HECTD4: variants seen among roughly 807,000 people sequenced by gnomAD.
The protein encoded by HECTD4 is HECT domain E3 ubiquitin protein ligase 4.
A neutral mutation model predicts 471.5 loss-of-function variants in HECTD4; 114 were observed. The observed-to-expected ratio is 0.24, with a 90% confidence interval of 0.21 to 0.28. The LOEUF is 0.28. Among genes scored for constraint, HECTD4 ranks in the 10% least tolerant of loss-of-function variants. HECTD4 has a pLI of 1.00. For missense variants in HECTD4, 3,866 were observed against 5,651.5 expected (o/e 0.68, Z 10.13); for synonymous variants, 2,012 against 2,256.0 (o/e 0.89, Z 3.07).
In HECTD4 at chr12:112,216,379, A is replaced by G; in HGVS notation, c.7386-8T>C. On this transcript the variant is annotated splice_region_variant and splice_polypyrimidine_tract_variant and intron_variant, in intron 47 of 75. Transcript: ENST00000682272. ...TGCACGGCTCGGCCGTTGCTATGAA[A>G]AATACAAAGAAGGGAGGTCAAAGAC... 1 of 1,541,860 alleles carries G rather than the reference A, an allele frequency of 6.5e-7. No individual in the cohort carries two copies. Among genetic ancestry groups the G allele is most frequent in the Non-Finnish European group, 8.8e-7 (1 of 1,137,856 alleles).
chr12:112,248,358 T>A lies in HECTD4; in HGVS notation c.4105A>T (p.Thr1369Ser). Residue 1369 changes from threonine to serine, a missense_variant, in exon 26 of 76, where the codon ACC becomes TCC. By Grantham distance (58) the Thr-to-Ser change is moderately conservative (BLOSUM62 1). Transcript: ENST00000682272. ...TCCATGGCATTGAGTTTCTTAAAGGTCTCTCCCATAATTTTACATAATAAA... is the reference window on the plus strand; with the variant it reads ...TCCATGGCATTGAGTTTCTTAAAGGACTCTCCCATAATTTTACATAATAAA... ...YDLLCKIMGE[T>S]FKKLNAMERQ... 1 of 1,608,336 alleles carries A rather than the reference T, an allele frequency of 6.2e-7. No homozygotes were observed. Among genetic ancestry groups the A allele is most frequent in the Non-Finnish European group, 8.5e-7 (1 of 1,176,942 alleles).
intron 66 of HECTD4, 74 bp downstream of exon 66, chr12:112,175,662 C>T (rs2031413348): frequency 2.0e-6 from 3 of 1,535,850 alleles, no homozygotes; most frequent in Non-Finnish European, 2.7e-6. Flanking sequence ...GGATCAGCTC[C>T]TCAGAAATTA....
chr12:112,324,033 C>CTTTCTTTCTTTCTTTCTTT, intron 1 of HECTD4, among the ~76,000 whole-genome samples: 1 of 23,750 alleles, frequency 4.2e-5, no homozygotes, highest in South Asian at 2.7e-3. Context: ...TTCCTTCCTT[C>CTTTCTTTCTTTCTTTCTTT]CTTCCTTCCT....
rs1434699171 is a variant in HECTD4, at chr12:112,228,691, T to C, written c.6640A>G (p.Thr2214Ala). The C allele has an allele frequency of 6.2e-7, 1 of 1,612,856 alleles. No individual in the cohort carries two copies. The stretch of plus-strand genomic sequence containing the variant: ...AGTCTAGACAATGGAATAGTCAATG[T>C]GTCTGACGCTTGCGAAGTCTTTCTA... ...DCRKTSQASD[T>A]LTIPLSRLCV... Residue 2214 changes from threonine to alanine, a missense_variant, in exon 42 of 76, where the codon ACA (threonine) becomes GCA (alanine). By Grantham distance (58) the Thr-to-Ala change is moderately conservative. Coordinates refer to ENST00000682272, the MANE Select transcript of HECTD4 (RefSeq NM_001388303.1). The surrounding 1 kb of genome is among the most constrained non-coding windows in gnomAD (Gnocchi z 4.9).
chr12:112,342,019 T>C (rs542204073), intron 1 of HECTD4, among the ~76,000 whole-genome samples: 72 of 152,350 alleles, frequency 4.7e-4, no homozygotes, highest in African/African-American at 1.7e-3. Flanking sequence ...AGAGCCTAAA[T>C]TGGCTCATAA....
intron 25 of HECTD4, chr12:112,249,679 TG>T (rs2033835645): frequency 6.2e-6 from 1 of 162,514 alleles, no homozygotes; most frequent in African/African-American, 2.4e-5. Flanking sequence ...TGTAACTGTA[TG>T]TACATTCTAC....
intron 48 of HECTD4, among the ~76,000 whole-genome samples, chr12:112,214,386 A>C (rs2135547532): frequency 6.6e-6 from 1 of 152,348 alleles, no homozygotes; most frequent in South Asian, 2.1e-4. Context: ...GTACCACAGG[A>C]ATGGGAGCTT....
At position 112,273,805 on chromosome 12, in the gene HECTD4, G is replaced by C. The variant is rs774211730; in HGVS notation, c.1802-10C>G. 1.2e-6 allele frequency: 2 copies of C among 1,613,136 alleles called. No homozygotes were observed. The highest frequency in any genetic ancestry group is 1.1e-5 in the South Asian group (1 of 90,996). Reference sequence around the variant, plus strand: ...GTGTCATAACACGCTCCTGCAAAAAGAGCATACTGTATTCAGTCACCATGC... The same window carrying C: ...GTGTCATAACACGCTCCTGCAAAAACAGCATACTGTATTCAGTCACCATGC... On this transcript the variant is annotated splice_polypyrimidine_tract_variant and intron_variant, in intron 10 of 75. Transcript: ENST00000682272.
rs2036071807 is a variant in HECTD4, at chr12:112,342,556, C to G, written c.178-22814G>C. 2.6e-5 allele frequency among the ~76,000 whole-genome samples: 4 copies of G among 152,242 alleles called. No individual in the cohort carries two copies. In the South Asian group the frequency reaches 8.3e-4, roughly 32 times the overall value. On this transcript the variant is annotated intron_variant, in intron 1 of 75. Transcript: ENST00000682272. ...AACTTCAAACTTCTAAGAATTGTTT[C>G]AATTATTGAAGTAAAATATATAAAA...
rs949132187 is a variant in HECTD4 at position 112,212,556 on chromosome 12, C to T, written c.7560G>A (p.Gly2520=). Residue 2520 remains glycine, a synonymous_variant, in exon 49 of 76, where the codon GGG becomes GGA. Coordinates refer to ENST00000682272, the MANE Select transcript of HECTD4 (RefSeq NM_001388303.1). ...CTTCAAGATATGGTGAGAGGCGCTG[C>T]CCGCAGTATGTGAAGTACACCCGGC... ...AKGRVYFTYC[G]QRLSPYLEDV... 2.4e-5 allele frequency: 38 copies of T among 1,613,754 alleles called. No homozygotes were observed. The Admixed American group carries it at 6.3e-4, about 27-fold the overall frequency.
rs61743612 is a variant in HECTD4 at position 112,172,810 on chromosome 12, G to A, written c.11646C>T (p.Thr3882=). ...GCACAAGTGCCACGTCCATCTCCAG[G>A]GTCCACTTTCTTGAGGCCTTCTGTG... ...RHAQKASRKW[T]LEMDVALVQY... Residue 3882 remains threonine (T), a synonymous_variant, in exon 67 of 76, where the codon ACC becomes ACT. Transcript: ENST00000682272. 4.2e-4 allele frequency: 676 copies of A among 1,613,870 alleles called. 6 individuals are homozygous for A. The highest frequency in any genetic ancestry group is 1.6e-4 in the Middle Eastern group (1 of 6,082).
At chr12:112,323,952 T>C (rs986928507) in intron 1 of HECTD4, among the ~76,000 whole-genome samples, 7 of 34,908 alleles carry the variant, frequency 2.0e-4, no homozygotes, top group Admixed American at 2.9e-4. Context: ...AGGTGCTTCT[T>C]TCTTTCTTTC....
intron 17 of HECTD4, among the ~76,000 whole-genome samples, chr12:112,262,583 A>C (rs1329224692): frequency 2.7e-5 from 4 of 149,160 alleles, no homozygotes; most frequent in Non-Finnish European, 5.9e-5. Context: ...AATAGAAAAA[A>C]CTTTCTCATT....
intron 55 of HECTD4, among the ~76,000 whole-genome samples, chr12:112,197,773 A>G (rs377338999): frequency 6.6e-5 from 10 of 152,368 alleles, no homozygotes; most frequent in African/African-American, 2.4e-4. Context: ...AAAATGACCA[A>G]AAGACTTATT....
At chr12:112,269,660 G>A (rs2034372670) in intron 13 of HECTD4, 44 bp downstream of exon 13, 1 of 1,602,540 alleles carries the variant, frequency 6.2e-7, no homozygotes, top group African/African-American at 1.3e-5. Context: ...CCTTGCAGAA[G>A]AATCATTTTG....
At chr12:112,360,210 T>C (rs1363357230) in intron 1 of HECTD4, among the ~76,000 whole-genome samples, 1 of 152,188 alleles carries the variant, frequency 6.6e-6, no homozygotes, top group Non-Finnish European at 1.5e-5. Context: ...TCCCAGCTAC[T>C]TGGGAGGCTG....
At chr12:112,273,300 T>C (rs1488042340) in intron 11 of HECTD4, among the ~76,000 whole-genome samples, 1 of 152,210 alleles carries the variant, frequency 6.6e-6, no homozygotes, top group Non-Finnish European at 1.5e-5. Context: ...TAAGTTTGTG[T>C]ATAATTAAGT....
chr12:112,237,477 C>T (rs1288344587), intron 34 of HECTD4, among the ~76,000 whole-genome samples: 1 of 152,184 alleles, frequency 6.6e-6, no homozygotes. Flanking sequence ...AGTTCCAGAA[C>T]CTCCCAAGCA....
chr12:112,225,021 TCA>T (rs2033195836), intron 44 of HECTD4, among the ~76,000 whole-genome samples: 1 of 152,146 alleles, frequency 6.6e-6, no homozygotes, highest in African/African-American at 2.4e-5. Context: ...ACAAGTAATT[TCA>T]CCCTTGACGC....
Sources: allele counts gnomAD v4.1 joint callset (sites outside exome capture counted in the v4.1 genomes callset), GRCh38; gene constraint gnomAD v4.1.1; non-coding constraint Gnocchi (gnomAD v3.1); transcripts MANE v1.5; gene names NCBI Gene and HGNC (gene_info 2026-07-23, HGNC 2026-07-21).